RGS6: variants seen among roughly 807,000 people sequenced by gnomAD.
The protein encoded by RGS6 is regulator of G-protein signaling 6.
Under a neutral mutation model 78.5 loss-of-function variants are expected in RGS6, and 30 were observed. The observed-to-expected ratio is 0.38, with a 90% CI of 0.29 to 0.52. The LOEUF (loss-of-function observed/expected upper bound fraction) is 0.52. Ranked by LOEUF, RGS6 falls within the 20% of genes least tolerant of loss-of-function variation. The pLI, the probability that RGS6 is intolerant of heterozygous loss-of-function variation, is 0.85. For synonymous variants in RGS6, 206 were observed against 206.0 expected (o/e 1.00, Z 0.00); for missense variants, 495 against 609.7 (o/e 0.81, Z 1.98).
intron 2 of RGS6, among the ~76,000 whole-genome samples, chr14:72,041,833 T>C (rs974190085): frequency 6.6e-6 from 1 of 152,142 alleles, no homozygotes; most frequent in Non-Finnish European, 1.5e-5. Context: ...TCCTATTTTG[T>C]AATCTTACTT....
At chr14:72,383,192 A>ATATAT (rs1258129412) in intron 3 of RGS6, among the ~76,000 whole-genome samples, 5 of 107,934 alleles carry the variant, frequency 4.6e-5, no homozygotes, top group Non-Finnish European at 7.5e-5. Flanking sequence ...ATATATATAT[A>ATATAT]TATATATATA....
At chr14:71,931,890 A>C (rs961899168), upstream of RGS6, among the ~76,000 whole-genome samples, 3 of 152,216 alleles carry the variant, frequency 2.0e-5, no homozygotes, top group Admixed American at 2.0e-4. Flanking sequence ...TAATATTCCA[A>C]ATGCAGCGTG....
At chr14:72,432,545 T>C (rs1426535775) in intron 3 of RGS6, among the ~76,000 whole-genome samples, 1 of 152,196 alleles carries the variant, frequency 6.6e-6, no homozygotes, top group Non-Finnish European at 1.5e-5. Context: ...CAGATCTATT[T>C]ATAAGTTTTA....
chr14:72,520,033 C>A (rs1020735705), intron 15 of RGS6, among the ~76,000 whole-genome samples: 3 of 152,186 alleles, frequency 2.0e-5, no homozygotes, highest in African/African-American at 7.2e-5. Context: ...CCTCAAAAAT[C>A]ATCAGTACAC....
At chr14:72,053,079 CCCTTCCTTCCTTCCTTCCTTCCTTCCTT>C (rs1226350902) in intron 2 of RGS6, among the ~76,000 whole-genome samples, 25 of 17,016 alleles carry the variant, frequency 1.5e-3, no homozygotes, top group South Asian at 5.4e-3. Context: ...CTCCCTCCCT[CCCTTCCTTCCTTCCTTCCTTCCTTCCTT>C]CCTTCCTTCC....
intron 2 of RGS6, among the ~76,000 whole-genome samples, chr14:72,011,592 A>T (rs1025929992): frequency 9.2e-5 from 14 of 151,928 alleles, no homozygotes; most frequent in African/African-American, 3.1e-4. Flanking sequence ...TAAAAAAAAA[A>T]AATAATGCAA....
chr14:72,093,230 G>A (rs905457544), intron 2 of RGS6, among the ~76,000 whole-genome samples: 2 of 152,084 alleles, frequency 1.3e-5, no homozygotes, highest in East Asian at 1.9e-4. Context: ...ACGACTATAT[G>A]TAGTGTTGCT....
At chr14:72,363,552 G>T (rs972670845) in intron 3 of RGS6, among the ~76,000 whole-genome samples, 2 of 152,158 alleles carry the variant, frequency 1.3e-5, no homozygotes, top group African/African-American at 4.8e-5. Context: ...TAGCAGTAGG[G>T]TTCAAAAGAT....
At chr14:72,322,843 T>C (rs935015920) in intron 2 of RGS6, among the ~76,000 whole-genome samples, 1 of 152,094 alleles carries the variant, frequency 6.6e-6, no homozygotes, top group African/African-American at 2.4e-5. Context: ...TTCTCTAATC[T>C]TGATGAAAAA....
At chr14:72,548,602 C>T (rs1186884930) in intron 17 of RGS6, among the ~76,000 whole-genome samples, 2 of 151,926 alleles carry the variant, frequency 1.3e-5, no homozygotes, top group African/African-American at 2.4e-5. Flanking sequence ...GGTTCTAAGC[C>T]CCCACATTAT....
intron 2 of RGS6, among the ~76,000 whole-genome samples, chr14:72,288,610 G>A (rs964924148): frequency 6.6e-6 from 1 of 152,196 alleles, no homozygotes; most frequent in African/African-American, 2.4e-5. Flanking sequence ...GATGTATGTT[G>A]ACCAGTAGGG....
intron 3 of RGS6, among the ~76,000 whole-genome samples, chr14:72,379,436 G>A (rs1257192792): frequency 6.6e-6 from 1 of 151,672 alleles, no homozygotes; most frequent in Non-Finnish European, 1.5e-5. Context: ...AAAACCTAAA[G>A]GCTATATCAA....
the RGS6 span, among the ~76,000 whole-genome samples, chr14:72,605,685 G>C: frequency 6.6e-6 from 1 of 152,162 alleles, no homozygotes; most frequent in African/African-American, 2.4e-5. Context: ...GACCCTCCTG[G>C]TCATGATACC....
intron 3 of RGS6, among the ~76,000 whole-genome samples, chr14:72,365,332 G>C (rs928438534): frequency 6.6e-6 from 1 of 152,216 alleles, no homozygotes; most frequent in Non-Finnish European, 1.5e-5. Context: ...GCTATAAGCA[G>C]AGCAGAAAAT....
At chr14:72,376,989 A>G (rs1016464105) in intron 3 of RGS6, among the ~76,000 whole-genome samples, 2 of 152,204 alleles carry the variant, frequency 1.3e-5, no homozygotes, top group Non-Finnish European at 2.9e-5. Flanking sequence ...TAAGAGAGGA[A>G]GTAAGGAACA....
At chr14:72,090,971 T>C (rs2095250057) in intron 2 of RGS6, among the ~76,000 whole-genome samples, 1 of 149,986 alleles carries the variant, frequency 6.7e-6, no homozygotes, top group African/African-American at 2.5e-5. Context: ...GCTATCTCTG[T>C]TGCCCTATCA....
At chr14:72,612,487 A>G in the RGS6 span, 11 of 518,424 alleles carry the variant, frequency 2.1e-5, 1 homozygote, top group Admixed American at 1.9e-4. Context: ...GAAAATGTGC[A>G]CGGGGTATAT....
At chr14:71,881,967 T>G in the RGS6 span, among the ~76,000 whole-genome samples, 6 of 152,228 alleles carry the variant, frequency 3.9e-5, no homozygotes, top group Admixed American at 3.3e-4. Flanking sequence ...ACATAAAACT[T>G]ACCATTTTAA....
At chr14:71,990,662 C>T (rs903339405) in intron 2 of RGS6, 20 of 455,896 alleles carry the variant, frequency 4.4e-5, no homozygotes, top group African/African-American at 3.0e-4. Context: ...CTGCCCACCC[C>T]GTGAAACTTT....
Sources: gnomAD v4.1 joint callset for allele counts (sites outside exome capture counted in the v4.1 genomes callset) on GRCh38, gnomAD v4.1.1 for gene constraint, MANE v1.5 for transcripts, NCBI Gene and HGNC (gene_info 2026-07-23, HGNC 2026-07-21) for gene names.